MAGI2: variants seen among roughly 807,000 people sequenced by gnomAD.
MAGI2 encodes the protein membrane associated guanylate kinase, WW and PDZ domain containing 2, also known as membrane-associated guanylate kinase, WW and PDZ domain-containing protein 2.
MAGI2 carries 35 observed loss-of-function variants against 133.3 expected under a neutral mutation model. The ratio of observed to expected loss-of-function variants is 0.26; its 90% confidence interval spans 0.20 to 0.35. The LOEUF is 0.35. Ranked by LOEUF, MAGI2 falls within the 10% of genes least tolerant of loss-of-function variation. The pLI, the probability that MAGI2 is intolerant of heterozygous loss-of-function variation, is 1.00. For synonymous variants in MAGI2, 729 were observed against 710.6 expected (o/e 1.03, Z -0.41); for missense variants, 1,636 against 1,863.4 (o/e 0.88, Z 2.25).
chr7:78,862,808 C>T (rs1207449922), intron 2 of MAGI2, among the ~76,000 whole-genome samples: 1 of 152,174 alleles, frequency 6.6e-6, no homozygotes, highest in Non-Finnish European at 1.5e-5. Flanking sequence ...CAGACTTGGT[C>T]CCTTTTTCTC....
chr7:78,428,650 C>T (rs529426631), intron 6 of MAGI2, among the ~76,000 whole-genome samples: 1 of 152,296 alleles, frequency 6.6e-6, no homozygotes, highest in South Asian at 2.1e-4. Flanking sequence ...CCTTTACTTG[C>T]TAACTGCCTG....
At chr7:78,582,205 G>T (rs1472952098) in intron 3 of MAGI2, among the ~76,000 whole-genome samples, 1 of 152,086 alleles carries the variant, frequency 6.6e-6, no homozygotes, top group Non-Finnish European at 1.5e-5. Flanking sequence ...AAAATGGCTT[G>T]GTTTTAAAAA....
chr7:78,872,097 C>T (rs559440000), intron 2 of MAGI2, among the ~76,000 whole-genome samples: 1 of 149,956 alleles, frequency 6.7e-6, no homozygotes, highest in African/African-American at 2.4e-5. Context: ...TACCTTCTTT[C>T]CTCCAAAACA....
intron 1 of MAGI2, among the ~76,000 whole-genome samples, chr7:79,446,285 G>C (rs1260557392): frequency 6.6e-6 from 1 of 152,090 alleles, no homozygotes; most frequent in Non-Finnish European, 1.5e-5. Flanking sequence ...CCTGCACGTT[G>C]AGCACGTGTA....
At chr7:78,856,139 A>T (rs1793616352) in intron 2 of MAGI2, among the ~76,000 whole-genome samples, 1 of 152,104 alleles carries the variant, frequency 6.6e-6, no homozygotes, top group Non-Finnish European at 1.5e-5. Context: ...TTCTTTGTAG[A>T]TTCTGGATAT....
chr7:79,359,938 C>A (rs1369162681), intron 1 of MAGI2, among the ~76,000 whole-genome samples: 1 of 152,124 alleles, frequency 6.6e-6, no homozygotes, highest in Non-Finnish European at 1.5e-5. Context: ...TGAAGCAAAT[C>A]TGACTGATTT....
chr7:78,804,646 G>A (rs1788366081), intron 2 of MAGI2, among the ~76,000 whole-genome samples: 1 of 151,448 alleles, frequency 6.6e-6, no homozygotes, highest in Non-Finnish European at 1.5e-5. Context: ...CTACTCGGGA[G>A]GCTGAGGCAG....
At chr7:78,023,044 T>A (rs1260383319) in intron 21 of MAGI2, among the ~76,000 whole-genome samples, 1 of 152,342 alleles carries the variant, frequency 6.6e-6, no homozygotes, top group East Asian at 1.9e-4. Context: ...TTCATTTTTC[T>A]GCACAGGAAC....
At chr7:79,172,328 G>C (rs1346266807) in intron 1 of MAGI2, among the ~76,000 whole-genome samples, 2 of 152,000 alleles carry the variant, frequency 1.3e-5, no homozygotes, top group Non-Finnish European at 2.9e-5. Context: ...AACCTTACTT[G>C]TTAGTTATAG....
At chr7:78,137,017 G>C (rs1018944969) in intron 16 of MAGI2, among the ~76,000 whole-genome samples, 2 of 152,120 alleles carry the variant, frequency 1.3e-5, no homozygotes, top group African/African-American at 2.4e-5. Context: ...ACCTTACATA[G>C]AGCATGCTAA....
rs1018549179 is a variant in MAGI2, at chr7:78,019,446, G to C, written c.4237C>G (p.Arg1413Gly). The change falls in exon 22 of 22, where the codon CGG (arginine) becomes GGG (glycine). Residue 1413 changes from arginine to glycine, a missense_variant. Physicochemically the swap from Arg to Gly is moderately radical, Grantham distance 125 (BLOSUM62 -2). Transcript: ENST00000354212. Reference protein sequence around the residue: ...EGRAGARAGPRPGPRPPGGAP... With the variant: ...EGRAGARAGPGPGPRPPGGAP... ...CCCCCCGGGGGTCGCGGGCCCGGCC[G>C]GGGACCCGCGCGCGCACCCGCCCTG... The C allele has an allele frequency of 1.0e-6, 1 of 985,670 alleles. No homozygotes were observed. The highest frequency in any genetic ancestry group is 1.2e-6 in the Non-Finnish European group (1 of 831,948). 61.1% of individuals were successfully genotyped at this position (985,670 alleles called of 1,614,324 possible).
chr7:78,785,711 T>C (rs1826762338), intron 2 of MAGI2, among the ~76,000 whole-genome samples: 2 of 152,220 alleles, frequency 1.3e-5, no homozygotes, highest in African/African-American at 4.8e-5. Context: ...ATCTAACTTA[T>C]TTGAGCTAAG....
chr7:78,736,447 A>C (rs1445949740), intron 2 of MAGI2, among the ~76,000 whole-genome samples: 1 of 152,198 alleles, frequency 6.6e-6, no homozygotes, highest in Non-Finnish European at 1.5e-5. Flanking sequence ...CCAGACTTAA[A>C]TGTCCAAACA....
chr7:79,023,309 A>C (rs1809533966), intron 1 of MAGI2, among the ~76,000 whole-genome samples: 1 of 152,146 alleles, frequency 6.6e-6, no homozygotes, highest in African/African-American at 2.4e-5. Context: ...AACCCTCTAC[A>C]AACTAGGCAT....
intron 10 of MAGI2, among the ~76,000 whole-genome samples, chr7:78,251,067 T>A (rs1315524223): frequency 6.6e-6 from 1 of 152,098 alleles, no homozygotes; most frequent in South Asian, 2.1e-4. Context: ...CCCAGGAACA[T>A]TAAATTAGTT....
intron 1 of MAGI2, among the ~76,000 whole-genome samples, chr7:79,054,551 G>A (rs150846309): frequency 6.6e-6 from 1 of 152,212 alleles, no homozygotes; most frequent in African/African-American, 2.4e-5. Context: ...ACAGTGAACT[G>A]TCTCTCCCAT....
rs1414306230 is a variant in MAGI2 at position 78,151,250 on chromosome 7, A to G, written c.2845+8775T>C. 9.2e-5 allele frequency among the ~76,000 whole-genome samples: 14 copies of G among 152,222 alleles called. No individual in the cohort carries two copies. The East Asian group carries it at 2.7e-3, about 29-fold the overall frequency. ...CTCAGTGAGTACAATCCTATAAAGG[A>G]GTAATGTGATACAGAAGTTGTTTAG... On this transcript the variant is annotated intron_variant, in intron 16 of 21. Transcript: ENST00000354212.
intron 20 of MAGI2, among the ~76,000 whole-genome samples, chr7:78,113,685 A>G (rs940867655): frequency 6.6e-6 from 1 of 152,092 alleles, no homozygotes; most frequent in African/African-American, 2.4e-5. Flanking sequence ...GGTTTTTGTA[A>G]GTGTACTTCT....
At chr7:78,872,316 A>T (rs531034521) in intron 2 of MAGI2, among the ~76,000 whole-genome samples, 1 of 152,082 alleles carries the variant, frequency 6.6e-6, no homozygotes, top group African/African-American at 2.4e-5. Flanking sequence ...TTATCAAAAG[A>T]ATAATACATG....
Sources: gnomAD v4.1 joint callset for allele counts (sites outside exome capture counted in the v4.1 genomes callset) on GRCh38, gnomAD v4.1.1 for gene constraint, MANE v1.5 for transcripts, NCBI Gene and HGNC (gene_info 2026-07-23, HGNC 2026-07-21) for gene names.